PEPD: variants seen among roughly 807,000 people sequenced by gnomAD.
PEPD encodes xaa-Pro dipeptidase.
In PEPD, 53 loss-of-function variants were observed where a neutral mutation model predicts 60.7. That is an observed-to-expected ratio of 0.87 (90% CI 0.70 to 1.10). The LOEUF (loss-of-function observed/expected upper bound fraction) is 1.10, where lower values mean the gene tolerates loss of function less well. Ranked by LOEUF, PEPD falls within the 50% of genes least tolerant of loss-of-function variation. PEPD has a pLI of 0.00. For missense variants in PEPD, 711 were observed against 711.9 expected, an observed-to-expected ratio of 1.00 and a Z score of 0.01; for synonymous variants, 267 against 284.1, an observed-to-expected ratio of 0.94 and a Z score of 0.60.
At chr19:33,505,609 C>G (rs562509030) in intron 3 of PEPD, among the ~76,000 whole-genome samples, 1 of 152,012 alleles carries the variant, frequency 6.6e-6, no homozygotes, top group South Asian at 2.1e-4. Flanking sequence ...CTGGGGAAGC[C>G]TCGATCCTGG....
intron 3 of PEPD, among the ~76,000 whole-genome samples, chr19:33,508,602 G>C (rs1284374531): frequency 1.3e-5 from 2 of 152,154 alleles, no homozygotes; most frequent in Non-Finnish European, 2.9e-5. Flanking sequence ...GGCTGGTGCT[G>C]CTGGCGGCTG....
At chr19:33,494,740 G>A (rs754367404) in intron 4 of PEPD, among the ~76,000 whole-genome samples, 3 of 152,182 alleles carry the variant, frequency 2.0e-5, no homozygotes, top group Non-Finnish European at 4.4e-5. Context: ...TGCAGGTTTC[G>A]CAAATGAGAA....
chr19:33,506,633 C>A (rs1970817944), intron 3 of PEPD, among the ~76,000 whole-genome samples: 1 of 144,802 alleles, frequency 6.9e-6, no homozygotes, highest in Non-Finnish European at 1.5e-5. Flanking sequence ...ACTCACAACA[C>A]AGCACACACA....
chr19:33,515,999 A>C (rs1283847467), intron 1 of PEPD, among the ~76,000 whole-genome samples: 1 of 152,218 alleles, frequency 6.6e-6, no homozygotes, highest in East Asian at 1.9e-4. Context: ...CTGCCACTGC[A>C]AAGAAAATCT....
In PEPD at chr19:33,402,153, T is replaced by C. The variant is rs374819092; in HGVS notation, c.819-284A>G. Among the ~76,000 whole-genome samples, 63 of 152,296 alleles carry C rather than the reference T, an allele frequency of 4.1e-4. No individual in the cohort carries two copies. In the East Asian group the frequency reaches 7.5e-3, roughly 18 times the overall value. ...GGCTGAGGGGAGTGGGGCTGTCCTA[T>C]GCAGATGACACCCACCCCTGTGGCC... On this transcript the variant is annotated intron_variant, in intron 11 of 14. Transcript: ENST00000244137.
At chr19:33,444,842 T>TCCTCACC (rs1055238473) in intron 9 of PEPD, among the ~76,000 whole-genome samples, 1 of 152,072 alleles carries the variant, frequency 6.6e-6, no homozygotes, top group African/African-American at 2.4e-5. Flanking sequence ...GTGCCGGAGA[T>TCCTCACC]CCTCACCCCT....
At chr19:33,431,981 A>G (rs577562803) in intron 9 of PEPD, among the ~76,000 whole-genome samples, 15 of 139,252 alleles carry the variant, frequency 1.1e-4, no homozygotes, top group Non-Finnish European at 1.8e-4. Context: ...TAACAGAGCA[A>G]GACACCACCT....
At chr19:33,519,571 G>C (rs1416949598) in intron 1 of PEPD, among the ~76,000 whole-genome samples, 1 of 152,198 alleles carries the variant, frequency 6.6e-6, no homozygotes, top group African/African-American at 2.4e-5. Context: ...TGCTCTAAAG[G>C]AAGCCACTGG....
intron 9 of PEPD, among the ~76,000 whole-genome samples, chr19:33,441,035 C>T (rs1029320399): frequency 6.6e-6 from 1 of 152,160 alleles, no homozygotes; most frequent in South Asian, 2.1e-4. Context: ...GTACTCCAGG[C>T]AAACCCTCTG....
chr19:33,469,046 C>T (rs762195316), intron 7 of PEPD, among the ~76,000 whole-genome samples: 7 of 152,196 alleles, frequency 4.6e-5, no homozygotes, highest in African/African-American at 1.2e-4. Flanking sequence ...CCGGGGAACC[C>T]GCTGTCAGGG....
intron 11 of PEPD, among the ~76,000 whole-genome samples, chr19:33,403,381 T>C (rs927822737): frequency 2.0e-5 from 3 of 152,160 alleles, no homozygotes; most frequent in Admixed American, 1.3e-4. Flanking sequence ...CTGCCCCTCT[T>C]TGGCTCCACC....
At chr19:33,436,568 G>T (rs1445804061) in intron 9 of PEPD, among the ~76,000 whole-genome samples, 1 of 152,246 alleles carries the variant, frequency 6.6e-6, no homozygotes. Context: ...GCTGGGAGAA[G>T]AAGATGTTTA....
chr19:33,462,200 G>C (rs774948334), intron 9 of PEPD, among the ~76,000 whole-genome samples: 11 of 152,222 alleles, frequency 7.2e-5, no homozygotes, highest in South Asian at 2.1e-4. Flanking sequence ...CCCTGCAAGG[G>C]GGGTAAGGGA....
chr19:33,399,715 C>T (rs898599154), intron 12 of PEPD, among the ~76,000 whole-genome samples: 17 of 152,236 alleles, frequency 1.1e-4, no homozygotes, highest in Admixed American at 9.8e-4. Context: ...ACTGCTCAGT[C>T]GACCGCCGAG....
At chr19:33,445,648 A>G (rs1969579550) in intron 9 of PEPD, among the ~76,000 whole-genome samples, 1 of 152,146 alleles carries the variant, frequency 6.6e-6, no homozygotes, top group African/African-American at 2.4e-5. Context: ...GAGAAAACAC[A>G]TTTCTGTTGC....
At chr19:33,484,802 A>C (rs1044608332) in intron 6 of PEPD, among the ~76,000 whole-genome samples, 3 of 152,218 alleles carry the variant, frequency 2.0e-5, no homozygotes, top group Non-Finnish European at 4.4e-5. Context: ...ATACTCAGAG[A>C]AACACAATCA....
chr19:33,486,976 A>C (rs1369894412), intron 6 of PEPD: 1 of 152,428 alleles, frequency 6.6e-6, no homozygotes, highest in Non-Finnish European at 1.5e-5. Flanking sequence ...TAAAAGGGTC[A>C]AAAAGGACAA....
chr19:33,452,714 T>C (rs537962995), intron 9 of PEPD, among the ~76,000 whole-genome samples: 3 of 152,316 alleles, frequency 2.0e-5, no homozygotes, highest in East Asian at 1.9e-4. Context: ...TAAGACTTTA[T>C]AGGAAAACAT....
At chr19:33,480,409 C>T (rs1459494855) in intron 6 of PEPD, among the ~76,000 whole-genome samples, 1 of 152,074 alleles carries the variant, frequency 6.6e-6, no homozygotes, top group Non-Finnish European at 1.5e-5. Context: ...CAAAAACTAA[C>T]AAAATTGGAG....
Sources: gnomAD v4.1 joint callset for allele counts (sites outside exome capture counted in the v4.1 genomes callset) on GRCh38, gnomAD v4.1.1 for gene constraint, MANE v1.5 for transcripts, NCBI Gene and HGNC (gene_info 2026-07-23, HGNC 2026-07-21) for gene names.